Variants in ZNF827 observed in about 807,000 individuals in gnomAD.
ZNF827 encodes zinc finger protein 827.
Under a neutral mutation model 102.4 loss-of-function variants are expected in ZNF827, and 13 were observed. That is an observed-to-expected ratio of 0.13 (90% confidence interval 0.08 to 0.20). The LOEUF (loss-of-function observed/expected upper bound fraction) is 0.20. ZNF827 is among the 10% of genes least tolerant of loss of function. The probability of loss-of-function intolerance (pLI) is 1.00; values close to 1 mark genes in which losing one functional copy is unlikely to be tolerated. For missense variants in ZNF827, 1,103 were observed against 1,344.4 expected, an observed-to-expected ratio of 0.82 and a Z score of 2.81; for synonymous variants, 523 against 536.2, an observed-to-expected ratio of 0.98 and a Z score of 0.34.
chr4:145,793,121 C>T (rs989796234), intron 8 of ZNF827, among the ~76,000 whole-genome samples: 1 of 151,262 alleles, frequency 6.6e-6, no homozygotes, highest in Non-Finnish European at 1.5e-5. Context: ...CAAGAGAAAA[C>T]ATGCATGGAT....
chr4:145,825,962 T>C (rs1743634977), intron 7 of ZNF827, among the ~76,000 whole-genome samples: 1 of 152,238 alleles, frequency 6.6e-6, no homozygotes, highest in South Asian at 2.1e-4. Context: ...CCAATGTTTC[T>C]ATCGGGCAAA....
At chr4:145,828,644 C>G (rs1743906036) in intron 7 of ZNF827, among the ~76,000 whole-genome samples, 1 of 152,062 alleles carries the variant, frequency 6.6e-6, no homozygotes, top group African/African-American at 2.4e-5. Flanking sequence ...CTTTTATCTC[C>G]TTGAGTTTCT....
chr4:145,893,104 C>CGGTG (rs1352478778), intron 2 of ZNF827, among the ~76,000 whole-genome samples: 1 of 152,218 alleles, frequency 6.6e-6, no homozygotes, highest in African/African-American at 2.4e-5. Flanking sequence ...TTCCTCTGCA[C>CGGTG]GGTGACTGGG....
At chr4:145,775,530 C>G (rs1457061826) in intron 10 of ZNF827, among the ~76,000 whole-genome samples, 1 of 151,988 alleles carries the variant, frequency 6.6e-6, no homozygotes, top group African/African-American at 2.4e-5. Context: ...CCCCAGAGCC[C>G]GTCTCTGTCT....
At chr4:145,781,906 A>C (rs1474938778) in intron 8 of ZNF827, among the ~76,000 whole-genome samples, 2 of 152,264 alleles carry the variant, frequency 1.3e-5, no homozygotes, top group Non-Finnish European at 2.9e-5. Flanking sequence ...GCAATTAAAA[A>C]TAGATAAGCA....
Position 145,938,626 on chromosome 4 carries a change from T to C in ZNF827, c.-219A>G. 1.8e-6 allele frequency: 1 copy of C among 556,444 alleles called. No individual in the cohort carries two copies. Among genetic ancestry groups the C allele is most frequent in the Non-Finnish European group, 3.2e-6 (1 of 314,476 alleles). 34.5% of individuals were successfully genotyped at this position (556,444 alleles called of 1,614,324 possible). On this transcript the variant is annotated 5_prime_UTR_variant, in exon 1 of 15. Transcript: ENST00000508784. ...TTTTCTTTCCTTTCTTTTTTCCTTT[T>C]TTTTTTTTTTTTAAATTTTTGGTCG...
At chr4:145,884,539 G>A (rs1749943311) in intron 4 of ZNF827, among the ~76,000 whole-genome samples, 3 of 151,992 alleles carry the variant, frequency 2.0e-5, no homozygotes, top group South Asian at 2.1e-4. Flanking sequence ...ATTCTCCACC[G>A]ACCTTTCCCC....
chr4:145,890,795 T>C (rs1750528204), intron 3 of ZNF827, among the ~76,000 whole-genome samples: 1 of 152,212 alleles, frequency 6.6e-6, no homozygotes, highest in African/African-American at 2.4e-5. Flanking sequence ...CTAAGTCGGC[T>C]GAGTAAAATT....
At chr4:145,813,660 T>G (rs1742276463) in intron 8 of ZNF827, among the ~76,000 whole-genome samples, 1 of 152,230 alleles carries the variant, frequency 6.6e-6, no homozygotes, top group African/African-American at 2.4e-5. Flanking sequence ...CGTATTATAA[T>G]CAGTCTTACG....
chr4:145,759,454 C>T lies in ZNF827; in HGVS notation c.*2162G>A, dbSNP rs1039222420. ...AAGTTAGCCTCCTAGCAGGTTACATCTACCAGGCGTTAACAAAATGGAATA... is the reference window on the plus strand; with the variant it reads ...AAGTTAGCCTCCTAGCAGGTTACATTTACCAGGCGTTAACAAAATGGAATA... On this transcript the variant is annotated 3_prime_UTR_variant, in exon 15 of 15. Transcript: ENST00000508784. 2 of 152,190 alleles carry T rather than the reference C, an allele frequency of 1.3e-5. No individual in the cohort carries two copies. The highest frequency in any genetic ancestry group is 4.8e-5 in the African/African-American group (2 of 41,450). The allele number at this position is 152,190 out of a possible 1,614,324, so 9.4% of individuals were successfully genotyped here. A position where few individuals can be genotyped will look rare whatever the true frequency, so the allele number is the denominator to read the frequency against.
chr4:145,931,962 T>C (rs1753839221), intron 1 of ZNF827, among the ~76,000 whole-genome samples: 1 of 152,112 alleles, frequency 6.6e-6, no homozygotes, highest in Admixed American at 6.5e-5. Context: ...GTATTAGAGA[T>C]GGGGCCTTTG....
chr4:145,889,359 T>C (rs1166000042), intron 3 of ZNF827, among the ~76,000 whole-genome samples: 2 of 152,186 alleles, frequency 1.3e-5, no homozygotes, highest in Admixed American at 1.3e-4. Context: ...TTTATGTGCA[T>C]TATCTCATTT....
At chr4:145,783,682 A>C (rs941956463) in intron 8 of ZNF827, among the ~76,000 whole-genome samples, 1 of 152,244 alleles carries the variant, frequency 6.6e-6, no homozygotes, top group East Asian at 1.9e-4. Context: ...AAAATGAAGG[A>C]TATACTGGTA....
intron 5 of ZNF827, among the ~76,000 whole-genome samples, chr4:145,856,287 G>A (rs2126689449): frequency 6.6e-6 from 1 of 152,292 alleles, no homozygotes; most frequent in South Asian, 2.1e-4. Context: ...GAGCCACCGT[G>A]TCTCCAGCCA....
chr4:145,819,428 G>C (rs1397279616), intron 8 of ZNF827, among the ~76,000 whole-genome samples: 1 of 152,170 alleles, frequency 6.6e-6, no homozygotes, highest in Non-Finnish European at 1.5e-5. Flanking sequence ...TTTGCTTACA[G>C]CAAGATGATG....
At chr4:145,863,161 G>A (rs1747885727) in intron 5 of ZNF827, among the ~76,000 whole-genome samples, 1 of 152,160 alleles carries the variant, frequency 6.6e-6, no homozygotes, top group African/African-American at 2.4e-5. Context: ...AACATCATTA[G>A]TCATCAGGGA....
intron 1 of ZNF827, among the ~76,000 whole-genome samples, chr4:145,933,769 TAA>T (rs1753967197): frequency 7.2e-6 from 1 of 139,386 alleles, no homozygotes; most frequent in Non-Finnish European, 1.5e-5. Context: ...AATGAAGAAA[TAA>T]GTGATCACCA....
intron 8 of ZNF827, among the ~76,000 whole-genome samples, chr4:145,803,266 C>T (rs1741091447): frequency 6.6e-6 from 1 of 152,112 alleles, no homozygotes; most frequent in South Asian, 2.1e-4. Context: ...GACAAAGGAT[C>T]TTAAAAGTCC....
chr4:145,793,613 A>G (rs1251686410), intron 8 of ZNF827, among the ~76,000 whole-genome samples: 1 of 151,884 alleles, frequency 6.6e-6, no homozygotes, highest in Non-Finnish European at 1.5e-5. Context: ...TGCCTTCCCC[A>G]GCCCACTGAC....
Sources: gnomAD v4.1 joint callset for allele counts (sites outside exome capture counted in the v4.1 genomes callset) on GRCh38, gnomAD v4.1.1 for gene constraint, MANE v1.5 for transcripts, NCBI Gene and HGNC (gene_info 2026-07-23, HGNC 2026-07-21) for gene names.